SH3BP2: variants seen among roughly 807,000 people sequenced by gnomAD.
The protein encoded by SH3BP2 is SH3 domain binding protein 2.
SH3BP2 carries 38 observed loss-of-function variants against 56.2 expected under a neutral mutation model. The ratio of observed to expected loss-of-function variants is 0.68; its 90% CI spans 0.52 to 0.89. The LOEUF (loss-of-function observed/expected upper bound fraction) is 0.89. SH3BP2 is among the 40% of genes least tolerant of loss of function. The probability of loss-of-function intolerance (pLI) is 0.00; values close to 1 mark genes in which losing one functional copy is unlikely to be tolerated. For missense variants in SH3BP2, 748 were observed against 762.6 expected (o/e 0.98, Z 0.23); for synonymous variants, 346 against 316.7 (o/e 1.09, Z -0.98).
intron 1 of SH3BP2, among the ~76,000 whole-genome samples, chr4:2,814,029 C>G (rs1178200602): frequency 2.0e-5 from 3 of 152,208 alleles, no homozygotes; most frequent in Non-Finnish European, 4.4e-5. Flanking sequence ...GTCCTTGACC[C>G]TGTGGTCACA....
intron 1 of SH3BP2, among the ~76,000 whole-genome samples, chr4:2,802,440 G>GTGTGTGTGTGTGTGTGTA: frequency 6.9e-6 from 1 of 145,762 alleles, no homozygotes; most frequent in South Asian, 2.2e-4. Context: ...GTGTGTGTGT[G>GTGTGTGTGTGTGTGTGTA]TGTATGTATA....
At chr4:2,818,169 C>G (rs1724087922) in intron 1 of SH3BP2, 1 of 975,272 alleles carries the variant, frequency 1.0e-6, no homozygotes, top group East Asian at 1.1e-4. Flanking sequence ...CCTGCCCGCC[C>G]AGTCCCCCGC....
intron 1 of SH3BP2, chr4:2,812,165 G>A: frequency 1.9e-5 from 27 of 1,431,368 alleles, no homozygotes; most frequent in Non-Finnish European, 2.5e-5. Context: ...GGGCAGCCCT[G>A]GGCCCCAGGC....
Position 2,829,368 on chromosome 4 carries a change from G to A in SH3BP2, c.587-125G>A. 1 of 947,884 alleles carries A rather than the reference G, an allele frequency of 1.1e-6. No homozygotes were observed. The highest frequency in any genetic ancestry group is 1.7e-6 in the Non-Finnish European group (1 of 596,266). The allele number at this position is 947,884 out of a possible 1,614,324, so 58.7% of individuals were successfully genotyped here. A position where few individuals can be genotyped will look rare whatever the true frequency, so the allele number is the denominator to read the frequency against. The stretch of plus-strand genomic sequence containing the variant: ...AGTGCTGGGTGCTGGGCTGCTGGGT[G>A]GGCAGGCTGTGGGGTGGGCCTACCA... On this transcript the variant is annotated intron_variant, in intron 7 of 12. Transcript: ENST00000503393. This position sits in a 1 kb window ranked among gnomAD's most constrained non-coding sequence, Gnocchi z 4.9.
chr4:2,823,214 C>T (rs1724406106), intron 3 of SH3BP2, among the ~76,000 whole-genome samples, 177 bp downstream of exon 3: 1 of 152,230 alleles, frequency 6.6e-6, no homozygotes, highest in Non-Finnish European at 1.5e-5. Context: ...GCCCTCTCCG[C>T]GTGTCCTGCC....
intron 10 of SH3BP2, 42 bp downstream of exon 10, chr4:2,832,020 C>T (rs748592900): frequency 1.3e-6 from 2 of 1,597,680 alleles, no homozygotes; most frequent in South Asian, 2.2e-5. Context: ...TCCGCCATGC[C>T]CGGCTTCCTG....
chr4:2,811,254 G>A lies in SH3BP2; in HGVS notation c.-4-9360G>A, dbSNP rs540617402. ...GCTTGGGACCTGCACAGCCGGTTACGGGGCTGGGGTCCAGGGTTTGTTGGG... is the reference window on the plus strand; with the variant it reads ...GCTTGGGACCTGCACAGCCGGTTACAGGGCTGGGGTCCAGGGTTTGTTGGG... On this transcript the variant is annotated intron_variant, in intron 1 of 12. Transcript: ENST00000503393. 6.6e-5 allele frequency among the ~76,000 whole-genome samples: 10 copies of A among 152,330 alleles called. No homozygotes were observed. In the East Asian group the frequency reaches 1.9e-3, roughly 29 times the overall value.
chr4:2,798,984 G>A, intron 1 of SH3BP2: 3 of 985,728 alleles, frequency 3.0e-6, no homozygotes, highest in Non-Finnish European at 3.6e-6. Flanking sequence ...GGCCCCCCAG[G>A]AGCTGCACGC....
Position 2,820,766 on chromosome 4 carries a change from G to A in SH3BP2, c.136+13G>A, listed in dbSNP as rs1560104578. Reference sequence around the variant, plus strand: ...CAGCTGCTGAAATGTGAGTCCCTGGGGTGGTAGGGTGCACAGTAGGAGGGC... The same window carrying A: ...CAGCTGCTGAAATGTGAGTCCCTGGAGTGGTAGGGTGCACAGTAGGAGGGC... On this transcript the variant is annotated intron_variant, in intron 2 of 12. Coordinates refer to ENST00000503393, the MANE Select transcript of SH3BP2 (RefSeq NM_001122681.2). The A allele has an allele frequency of 6.2e-7, 1 of 1,611,056 alleles. No homozygotes were observed. The highest frequency in any genetic ancestry group is 8.5e-7 in the Non-Finnish European group (1 of 1,178,444).
rs1006859136 is a variant in SH3BP2, at chr4:2,818,634, C to G, written c.-4-1980C>G. 2.2e-5 allele frequency: 18 copies of G among 821,740 alleles called. No individual in the cohort carries two copies. The African/African-American group carries it at 3.1e-4, about 14-fold the overall frequency. The allele number at this position is 821,740 out of a possible 1,614,324, so 50.9% of individuals were successfully genotyped here. On this transcript the variant is annotated intron_variant, in intron 1 of 12. Coordinates refer to ENST00000503393, the MANE Select transcript of SH3BP2 (RefSeq NM_001122681.2). Reference sequence around the variant, plus strand: ...GCGGGCGGACTGGGCACGGGGCTCCCTCCTCCATCCCCACTGCGGGGCTCC... The same window carrying G: ...GCGGGCGGACTGGGCACGGGGCTCCGTCCTCCATCCCCACTGCGGGGCTCC...
chr4:2,827,412 G>A, intron 6 of SH3BP2, 94 bp downstream of exon 6: 2 of 1,324,172 alleles, frequency 1.5e-6, no homozygotes, highest in Non-Finnish European at 2.2e-6. Context: ...GTTCGGCTGT[G>A]CTCCTTGCTC....
chr4:2,805,001 G>A (rs1433957768), intron 1 of SH3BP2, among the ~76,000 whole-genome samples: 3 of 152,176 alleles, frequency 2.0e-5, no homozygotes, highest in Non-Finnish European at 4.4e-5. Flanking sequence ...GGGGCTCCCT[G>A]CCCCTCCCTT....
In SH3BP2 at chr4:2,829,862, G is replaced by C; in HGVS notation, c.956G>C (p.Ser319Thr). 3 of 1,613,762 alleles carry C rather than the reference G, an allele frequency of 1.9e-6. No individual in the cohort carries two copies. The highest frequency in any genetic ancestry group is 2.5e-6 in the Non-Finnish European group (3 of 1,179,998). Reference protein sequence around the residue: ...TPGHGACSTSSAAIMATATSR... With the variant: ...TPGHGACSTSTAAIMATATSR... Reference sequence around the variant, plus strand: ...GGCCACGGGGCCTGCTCCACTTCCAGTGCTGCCATCATGGCCACTGCCACC... The same window carrying C: ...GGCCACGGGGCCTGCTCCACTTCCACTGCTGCCATCATGGCCACTGCCACC... Residue 319 changes from serine to threonine, a missense_variant, in exon 8 of 13, where the codon AGT becomes ACT. By Grantham distance (58) the Ser-to-Thr change is moderately conservative. Transcript: ENST00000503393. The surrounding 1 kb of genome is among the most constrained non-coding windows in gnomAD (Gnocchi z 4.9).
intron 3 of SH3BP2, among the ~76,000 whole-genome samples, chr4:2,824,091 G>T (rs1724458405): frequency 6.6e-6 from 1 of 152,204 alleles, no homozygotes; most frequent in African/African-American, 2.4e-5. Context: ...GGCTCTTATG[G>T]GCCGTATAAG....
chr4:2,833,354 G>T (rs1041342452), intron 12 of SH3BP2: 2 of 572,970 alleles, frequency 3.5e-6, no homozygotes, highest in Non-Finnish European at 6.2e-6. Flanking sequence ...TCTCAGGCTG[G>T]TTTCAAATTC....
Position 2,827,654 on chromosome 4 carries a change from C to A in SH3BP2, c.566C>A (p.Pro189Gln). The A allele has an allele frequency of 6.9e-7, 1 of 1,452,318 alleles. No homozygotes were observed. Among genetic ancestry groups the A allele is most frequent in the Non-Finnish European group, 9.3e-7 (1 of 1,073,570 alleles). The allele number at this position is 1,452,318 out of a possible 1,614,324, so 90.0% of individuals were successfully genotyped here. The change falls in exon 7 of 13, where the codon CCG becomes CAG. Residue 189 changes from proline to glutamine, a missense_variant. By Grantham distance (76) the Pro-to-Gln change is moderately conservative. This residue lies in a region of SH3BP2 where 635 missense variants were observed against 615.0 expected (regional missense o/e 1.03). Coordinates refer to ENST00000503393, the MANE Select transcript of SH3BP2 (RefSeq NM_001122681.2). Reference protein sequence around the residue: ...EDDSYLEPDSPEPGRLEDALM... With the variant: ...EDDSYLEPDSQEPGRLEDALM... ...GACTCCTACCTGGAGCCTGACTCCCCGGAGCCCGGAAGGCTTGAGGGTAGG... is the reference window on the plus strand; with the variant it reads ...GACTCCTACCTGGAGCCTGACTCCCAGGAGCCCGGAAGGCTTGAGGGTAGG...
At chr4:2,818,891 G>A (rs1333400596) in intron 1 of SH3BP2, 4 of 985,428 alleles carry the variant, frequency 4.1e-6, no homozygotes, top group African/African-American at 1.7e-5. Flanking sequence ...TTTGTTGGAG[G>A]GTGCTGGTTT....
Position 2,831,631 on chromosome 4 carries a change from C to A in SH3BP2, c.1302C>A (p.Pro434=). The change falls in exon 9 of 13, where the codon CCC becomes CCA. Residue 434 remains proline, a synonymous_variant. Coordinates refer to ENST00000503393, the MANE Select transcript of SH3BP2 (RefSeq NM_001122681.2). The surrounding 1 kb of genome is among the most constrained non-coding windows in gnomAD (Gnocchi z 4.1). Reference sequence around the variant, plus strand: ...TCTCCTTTGAAAAGCCCCGGCAACCCTCACAGGCTGACACTGGCGGGGACG... The same window carrying A: ...TCTCCTTTGAAAAGCCCCGGCAACCATCACAGGCTGACACTGGCGGGGACG... ...RSFSFEKPRQ[P]SQADTGGDDS... is the part of the protein sequence containing the mutation. 1.2e-6 allele frequency: 2 copies of A among 1,607,244 alleles called. No homozygotes were observed. Among genetic ancestry groups the A allele is most frequent in the Admixed American group, 1.7e-5 (1 of 59,368 alleles).
chr4:2,831,861 G>A lies in SH3BP2; in HGVS notation c.1351-62G>A, dbSNP rs939046790. 1.2e-5 allele frequency: 18 copies of A among 1,563,800 alleles called. No homozygotes were observed. Among genetic ancestry groups the A allele is most frequent in the African/African-American group, 2.7e-5 (2 of 74,068 alleles). On this transcript the variant is annotated intron_variant, in intron 9 of 12. Transcript: ENST00000503393. This position sits in a 1 kb window ranked among gnomAD's most constrained non-coding sequence, Gnocchi z 4.1. ...TCCCGGCACCGGGTGGCCACCGTCC[G>A]GGGAGTGGTGGTGCGGGTGGATCAC...
Sources: gnomAD v4.1 joint callset for allele counts (sites outside exome capture counted in the v4.1 genomes callset) on GRCh38, gnomAD v4.1.1 for gene constraint, gnomAD v4.1.1 regional missense constraint, Gnocchi (gnomAD v3.1) non-coding constraint, MANE v1.5 for transcripts, NCBI Gene and HGNC (gene_info 2026-07-23, HGNC 2026-07-21) for gene names.